Variants in PAPOLA observed in about 807,000 individuals in gnomAD.
The protein encoded by PAPOLA is poly(A) polymerase alpha.
A neutral mutation model predicts 100.6 loss-of-function variants in PAPOLA; 15 were observed. The ratio of observed to expected loss-of-function variants is 0.15; its 90% CI spans 0.10 to 0.23. The LOEUF (loss-of-function observed/expected upper bound fraction) is 0.23, where lower values mean the gene tolerates loss of function less well. Among genes scored for constraint, PAPOLA ranks in the 10% least tolerant of loss-of-function variants. The pLI is 1.00. For synonymous variants in PAPOLA, 293 were observed against 300.0 expected (o/e 0.98, Z 0.24); for missense variants, 533 against 884.2 (o/e 0.60, Z 5.04).
chr14:96,560,236 CT>C (rs1208918118), intron 19 of PAPOLA, among the ~76,000 whole-genome samples: 1 of 152,098 alleles, frequency 6.6e-6, no homozygotes, highest in Non-Finnish European at 1.5e-5. Flanking sequence ...AAGTGGAGTT[CT>C]TTCTTGATAG....
intron 4 of PAPOLA, chr14:96,526,148 G>GTT (rs1317618354): frequency 1.3e-5 from 2 of 152,242 alleles, no homozygotes; most frequent in East Asian, 3.9e-4. Context: ...CAATAAAAAT[G>GTT]TTACCTCGGC....
In PAPOLA at chr14:96,566,715, C is replaced by T. The variant is rs761720813; in HGVS notation, c.*1665C>T. On this transcript the variant is annotated 3_prime_UTR_variant, in exon 22 of 22. Coordinates refer to ENST00000216277, the MANE Select transcript of PAPOLA (RefSeq NM_032632.5). ...GTCACCTTGCCCTTCCTTCCACCAC[C>T]GAAGAAAAAAGATGGTCATACTAAC... 2 of 152,424 alleles carry T rather than the reference C, an allele frequency of 1.3e-5. No individual in the cohort carries two copies. Among genetic ancestry groups the T allele is most frequent in the South Asian group, 2.1e-4 (1 of 4,822 alleles). 9.4% of individuals were successfully genotyped at this position (152,424 alleles called of 1,614,324 possible).
At chr14:96,519,407 C>G (rs1472701646) in intron 1 of PAPOLA, among the ~76,000 whole-genome samples, 4 of 151,970 alleles carry the variant, frequency 2.6e-5, no homozygotes, top group Non-Finnish European at 4.4e-5. Flanking sequence ...GATTTATTTC[C>G]TAAGCATTTA....
At chr14:96,524,209 A>C (rs1238863805) in intron 3 of PAPOLA, among the ~76,000 whole-genome samples, 2 of 152,154 alleles carry the variant, frequency 1.3e-5, no homozygotes, top group African/African-American at 4.8e-5. Flanking sequence ...AACACTTCAT[A>C]AAATTGTTTT....
chr14:96,537,580 C>T (rs2140295846), intron 12 of PAPOLA: 1 of 154,096 alleles, frequency 6.5e-6, no homozygotes, highest in African/African-American at 2.4e-5. Context: ...AGCTAGCTTT[C>T]ATGAATCTAA....
At chr14:96,525,438 A>C in intron 4 of PAPOLA, 47 bp downstream of exon 4, 2 of 772,250 alleles carry the variant, frequency 2.6e-6, no homozygotes, top group Non-Finnish European at 4.3e-6. Context: ...TTAGTTCTTA[A>C]AAATTATGAC....
At chr14:96,516,012 C>A (rs1355659693) in intron 1 of PAPOLA, among the ~76,000 whole-genome samples, 1 of 152,064 alleles carries the variant, frequency 6.6e-6, no homozygotes, top group Admixed American at 6.6e-5. Flanking sequence ...GGTTTATGTT[C>A]CAAATTGCCC....
At chr14:96,561,197 G>A (rs558206552) in intron 20 of PAPOLA, among the ~76,000 whole-genome samples, 23 of 152,206 alleles carry the variant, frequency 1.5e-4, no homozygotes, top group African/African-American at 5.3e-4. Context: ...TAGAACCTGG[G>A]GTACATGGGG....
chr14:96,542,195 A>G, intron 12 of PAPOLA, 48 bp from the exon 13 acceptor site: 1 of 1,192,826 alleles, frequency 8.4e-7, no homozygotes, highest in Non-Finnish European at 1.2e-6. Flanking sequence ...AATATCCAGC[A>G]CAAAGCGTGT....
Position 96,529,778 on chromosome 14 carries a change from C to T in PAPOLA, c.496-1697C>T, listed in dbSNP as rs776170590. Among the ~76,000 whole-genome samples, 54 of 152,160 alleles carry T rather than the reference C, an allele frequency of 3.5e-4. 1 individual carries two copies. Among genetic ancestry groups the T allele is most frequent in the South Asian group, 2.1e-4 (1 of 4,814 alleles). ...GATCTTATAAAAGGCTTGTTTACAG[C>T]GACATCCACATTTTTGGAACCATGA... On this transcript the variant is annotated intron_variant, in intron 6 of 21. Coordinates refer to ENST00000216277, the MANE Select transcript of PAPOLA (RefSeq NM_032632.5).
At chr14:96,521,267 A>AT (rs1013040419) in intron 3 of PAPOLA, among the ~76,000 whole-genome samples, 195 bp downstream of exon 3, 4 of 152,128 alleles carry the variant, frequency 2.6e-5, no homozygotes, top group Non-Finnish European at 5.9e-5. Context: ...GAGTTAAGCG[A>AT]TTTTTAAAAA....
rs1162920040 is a variant in PAPOLA at position 96,520,240 on chromosome 14, T to C, written c.182+12T>C. The C allele has an allele frequency of 1.9e-6, 3 of 1,581,350 alleles. No individual in the cohort carries two copies. The highest frequency in any genetic ancestry group is 1.2e-5 in the South Asian group (1 of 85,674). On this transcript the variant is annotated intron_variant, in intron 2 of 21. Transcript: ENST00000216277. ...GAACTGCAGCGCAGGTAAATAGATA[T>C]TCTATATTTTTTTAACTCGGAAACT...
chr14:96,519,360 T>TA (rs1238500592), intron 1 of PAPOLA, among the ~76,000 whole-genome samples: 3 of 152,200 alleles, frequency 2.0e-5, no homozygotes, highest in African/African-American at 7.2e-5. Context: ...GACTTCTTAA[T>TA]TTAATGAAAA....
chr14:96,548,264 G>A (rs966365036), intron 16 of PAPOLA, among the ~76,000 whole-genome samples: 2 of 152,038 alleles, frequency 1.3e-5, no homozygotes, highest in Non-Finnish European at 2.9e-5. Flanking sequence ...AAATTAGTAA[G>A]GAAATATGTG....
At chr14:96,525,534 G>A (rs1470344714) in intron 4 of PAPOLA, 143 bp downstream of exon 4, 3 of 505,868 alleles carry the variant, frequency 5.9e-6, no homozygotes, top group Non-Finnish European at 1.1e-5. Context: ...TTTTCAGTAA[G>A]AAAGATGTAA....
chr14:96,510,059 GAAAAAAT>G (rs1023623006), intron 1 of PAPOLA, among the ~76,000 whole-genome samples: 7 of 146,268 alleles, frequency 4.8e-5, no homozygotes, highest in African/African-American at 1.8e-4. Flanking sequence ...ATTTGGGAAA[GAAAAAAT>G]AAAGGCATTC....
At chr14:96,559,666 G>A (rs776959505) in intron 19 of PAPOLA, among the ~76,000 whole-genome samples, 4 of 143,300 alleles carry the variant, frequency 2.8e-5, no homozygotes, top group African/African-American at 5.2e-5. Flanking sequence ...TTTCTGTATG[G>A]AAAATTTCAA....
At chr14:96,521,551 A>G (rs1897965581) in intron 3 of PAPOLA, among the ~76,000 whole-genome samples, 1 of 151,914 alleles carries the variant, frequency 6.6e-6, no homozygotes, top group Non-Finnish European at 1.5e-5. Flanking sequence ...GTGTAGTGAC[A>G]CCATTATAGT....
intron 3 of PAPOLA, among the ~76,000 whole-genome samples, chr14:96,522,112 C>CT (rs1350167869): frequency 0.031 from 3,004 of 97,390 alleles, 156 homozygotes; most frequent in Non-Finnish European, 0.041. Flanking sequence ...CTCTTTCTTT[C>CT]TTTCTTTTTT....
Sources: allele counts gnomAD v4.1 joint callset (sites outside exome capture counted in the v4.1 genomes callset), GRCh38; gene constraint gnomAD v4.1.1; transcripts MANE v1.5; gene names NCBI Gene and HGNC (gene_info 2026-07-23, HGNC 2026-07-21).